EDEM1: variants seen among roughly 807,000 people sequenced by gnomAD.
EDEM1 encodes ER degradation-enhancing alpha-mannosidase-like protein 1.
In EDEM1, 67 loss-of-function variants were observed where a neutral mutation model predicts 74.4. The ratio of observed to expected loss-of-function variants is 0.90; its 90% confidence interval spans 0.74 to 1.10. The LOEUF is 1.10. Ranked by LOEUF, EDEM1 falls within the 50% of genes least tolerant of loss-of-function variation. EDEM1 has a pLI of 0.00. For missense variants in EDEM1, 926 were observed against 851.6 expected (o/e 1.09, Z -1.09); for synonymous variants, 382 against 335.9 (o/e 1.14, Z -1.50).
chr3:5,199,080 C>A (rs2055004750), intron 2 of EDEM1, among the ~76,000 whole-genome samples: 1 of 152,198 alleles, frequency 6.6e-6, no homozygotes, highest in Non-Finnish European at 1.5e-5. Context: ...AAAGATATTA[C>A]CACTATTTCT....
Position 5,210,160 on chromosome 3 carries a change from T to C in EDEM1, c.1510-15T>C. On this transcript the variant is annotated splice_polypyrimidine_tract_variant and intron_variant, in intron 8 of 11. Transcript: ENST00000256497. Reference sequence around the variant, plus strand: ...CAAGCCCATGCTGGATCACATTCTCTCGTGTTCTCTCTAGGCAACCAAGAA... The same window carrying C: ...CAAGCCCATGCTGGATCACATTCTCCCGTGTTCTCTCTAGGCAACCAAGAA... 6.2e-7 allele frequency: 1 copy of C among 1,611,878 alleles called. No individual in the cohort carries two copies. The highest frequency in any genetic ancestry group is 2.2e-5 in the East Asian group (1 of 44,874).
Position 5,216,008 on chromosome 3 carries a change from A to T in EDEM1, c.*90A>T. On this transcript the variant is annotated 3_prime_UTR_variant, in exon 12 of 12. Coordinates refer to ENST00000256497, the MANE Select transcript of EDEM1 (RefSeq NM_014674.3). ...TCCAGTCTGAAATGAAAGGGGACAG[A>T]AGTCTTGCTGTCCATGGTGGTGTAG... 12 of 1,088,816 alleles carry T rather than the reference A, an allele frequency of 1.1e-5. No homozygotes were observed. The highest frequency in any genetic ancestry group is 1.6e-5 in the Non-Finnish European group (12 of 731,360). 67.4% of individuals were successfully genotyped at this position (1,088,816 alleles called of 1,614,324 possible). A position where few individuals can be genotyped will look rare whatever the true frequency, so the allele number is the denominator to read the frequency against.
At chr3:5,214,900 C>T (rs138095586) in intron 11 of EDEM1, among the ~76,000 whole-genome samples, 108 of 152,250 alleles carry the variant, frequency 7.1e-4, no homozygotes, top group African/African-American at 1.3e-3. Context: ...CCATCCTAGG[C>T]GTTTGTCTGT....
chr3:5,192,746 T>C lies in EDEM1; in HGVS notation c.510-2463T>C, dbSNP rs184572358. The stretch of plus-strand genomic sequence containing the variant: ...AGTAGAGTTTTATGGTGTTTTTTTT[T>C]CTTCCTTCATCCTCACTCCCACTTC... On this transcript the variant is annotated intron_variant, in intron 1 of 11. Transcript: ENST00000256497. Among the ~76,000 whole-genome samples, 3 of 152,352 alleles carry C rather than the reference T, an allele frequency of 2.0e-5. No individual in the cohort carries two copies. The East Asian group carries it at 5.8e-4, about 29-fold the overall frequency.
Position 5,216,028 on chromosome 3 carries a change from G to A in EDEM1, c.*110G>A, listed in dbSNP as rs570840520. The A allele has an allele frequency of 2.2e-3, 1,954 of 875,222 alleles. 8 individuals are homozygous for A. The highest frequency in any genetic ancestry group is 2.8e-3 in the Non-Finnish European group (1,560 of 560,620). 54.2% of individuals were successfully genotyped at this position (875,222 alleles called of 1,614,324 possible). A position where few individuals can be genotyped will look rare whatever the true frequency, so the allele number is the denominator to read the frequency against. ...GACAGAAGTCTTGCTGTCCATGGTGGTGTAGGAATTTCTGTGCAACACCTC... is the reference window on the plus strand; with the variant it reads ...GACAGAAGTCTTGCTGTCCATGGTGATGTAGGAATTTCTGTGCAACACCTC... On this transcript the variant is annotated 3_prime_UTR_variant, in exon 12 of 12. Transcript: ENST00000256497.
chr3:5,197,734 G>T (rs1326644647), intron 2 of EDEM1, among the ~76,000 whole-genome samples: 2 of 152,224 alleles, frequency 1.3e-5, no homozygotes, highest in Non-Finnish European at 2.9e-5. Flanking sequence ...GGGAAACACT[G>T]TGAAGATAGC....
intron 3 of EDEM1, among the ~76,000 whole-genome samples, chr3:5,200,112 A>G (rs888558226): frequency 2.0e-5 from 3 of 152,030 alleles, no homozygotes; most frequent in African/African-American, 4.8e-5. Flanking sequence ...TTGTATTTTC[A>G]GTAGAGATGA....
chr3:5,219,849 T>C lies in EDEM1; in HGVS notation c.*3931T>C, dbSNP rs949224517. 1.6e-4 allele frequency: 24 copies of C among 152,658 alleles called. No homozygotes were observed. Among genetic ancestry groups the C allele is most frequent in the African/African-American group, 5.8e-4 (24 of 41,458 alleles). The allele number at this position is 152,658 out of a possible 1,614,324, so 9.5% of individuals were successfully genotyped here. On this transcript the variant is annotated 3_prime_UTR_variant, in exon 12 of 12. Coordinates refer to ENST00000256497, the MANE Select transcript of EDEM1 (RefSeq NM_014674.3). ...ATGTATTTAAATTAAAAGGGATCTT[T>C]TTGTAAAAGGACCAAATGTTCTTTT...
rs369902754 is a variant in EDEM1, at chr3:5,214,509, C to T, written c.1884+987C>T. 7.8e-4 allele frequency among the ~76,000 whole-genome samples: 118 copies of T among 152,252 alleles called. No homozygotes were observed. In the South Asian group the frequency reaches 0.013, roughly 17 times the overall value. On this transcript the variant is annotated intron_variant, in intron 11 of 11. Transcript: ENST00000256497. ...GCTGATTGAGTGGACAAAGCATAATCGGGAGGAAGGGGAAGGAGGGTGAGA... is the reference window on the plus strand; with the variant it reads ...GCTGATTGAGTGGACAAAGCATAATTGGGAGGAAGGGGAAGGAGGGTGAGA...
rs1157979340 is a variant in EDEM1, at chr3:5,205,553, C to G, written c.1217+312C>G. ...GATCTCTCCTGAGGTTGTTGTCAAG[C>G]TGGTGGCCAGGGCCACAGCCATGCT... On this transcript the variant is annotated intron_variant, in intron 6 of 11. Transcript: ENST00000256497. Among the ~76,000 whole-genome samples, 4 of 152,250 alleles carry G rather than the reference C, an allele frequency of 2.6e-5. No homozygotes were observed. In the East Asian group the frequency reaches 7.7e-4, roughly 29 times the overall value.
rs538211556 is a variant in EDEM1 at position 5,218,965 on chromosome 3, A to G, written c.*3047A>G. 6.6e-5 allele frequency: 10 copies of G among 152,064 alleles called. No individual in the cohort carries two copies. Among genetic ancestry groups the G allele is most frequent in the South Asian group, 4.2e-4 (2 of 4,816 alleles). The allele number at this position is 152,064 out of a possible 1,614,324, so 9.4% of individuals were successfully genotyped here. ...GCACGTGACACTTAAATAATTTTCT[A>G]TGTATTTAAAGAAAAATGCACCAGG... On this transcript the variant is annotated 3_prime_UTR_variant, in exon 12 of 12. Transcript: ENST00000256497.
chr3:5,213,641 A>G, intron 11 of EDEM1, 119 bp downstream of exon 11: 2 of 970,454 alleles, frequency 2.1e-6, no homozygotes, highest in Non-Finnish European at 3.0e-6. Flanking sequence ...GGAGATTTGA[A>G]AACACCTCCT....
rs1040238730 is a variant in EDEM1, at chr3:5,216,123, A to G, written c.*205A>G. On this transcript the variant is annotated 3_prime_UTR_variant, in exon 12 of 12. Transcript: ENST00000256497. ...TTCAATAAAATGCCCTGTTAAGGAT[A>G]TAATTTGAAGTGAGAAGATACATGG... The G allele has an allele frequency of 1.1e-5, 6 of 536,080 alleles. No individual in the cohort carries two copies. Among genetic ancestry groups the G allele is most frequent in the African/African-American group, 3.9e-5 (2 of 50,694 alleles). The allele number at this position is 536,080 out of a possible 1,614,324, so 33.2% of individuals were successfully genotyped here. A position where few individuals can be genotyped will look rare whatever the true frequency, so the allele number is the denominator to read the frequency against.
At chr3:5,205,597 G>C (rs767930112) in intron 6 of EDEM1, among the ~76,000 whole-genome samples, 4 of 152,222 alleles carry the variant, frequency 2.6e-5, no homozygotes, top group Non-Finnish European at 5.9e-5. Flanking sequence ...ATGGTGCTGG[G>C]AGATCCCCTT....
chr3:5,188,724 C>G (rs1040494654), intron 1 of EDEM1, among the ~76,000 whole-genome samples: 1 of 152,212 alleles, frequency 6.6e-6, no homozygotes, highest in Non-Finnish European at 1.5e-5. Context: ...TAAACGCAGC[C>G]TCAGAACAAG....
chr3:5,216,752 T>G lies in EDEM1; in HGVS notation c.*834T>G, dbSNP rs1042793920. 1 of 152,650 alleles carries G rather than the reference T, an allele frequency of 6.6e-6. No homozygotes were observed. The highest frequency in any genetic ancestry group is 1.5e-5 in the Non-Finnish European group (1 of 68,050). 9.5% of individuals were successfully genotyped at this position (152,650 alleles called of 1,614,324 possible). A position where few individuals can be genotyped will look rare whatever the true frequency, so the allele number is the denominator to read the frequency against. On this transcript the variant is annotated 3_prime_UTR_variant, in exon 12 of 12. Transcript: ENST00000256497. Reference sequence around the variant, plus strand: ...GTTAACTGACATCTTTTGGGTGGTATTTTGCATTTTGAATATGAACTTACC... The same window carrying G: ...GTTAACTGACATCTTTTGGGTGGTAGTTTGCATTTTGAATATGAACTTACC...
intron 1 of EDEM1, 106 bp from the exon 2 acceptor site, chr3:5,195,103 A>C (rs950221352): frequency 3.6e-6 from 2 of 561,376 alleles, no homozygotes; most frequent in Admixed American, 4.0e-5. Context: ...TTAGTTCCTG[A>C]ATAAATAAGA....
rs2055268238 is a variant in EDEM1, at chr3:5,218,435, G to A, written c.*2517G>A. The A allele has an allele frequency of 6.7e-6, 1 of 149,906 alleles. No individual in the cohort carries two copies. Among genetic ancestry groups the A allele is most frequent in the Admixed American group, 6.7e-5 (1 of 14,968 alleles). The allele number at this position is 149,906 out of a possible 1,614,324, so 9.3% of individuals were successfully genotyped here. A position where few individuals can be genotyped will look rare whatever the true frequency, so the allele number is the denominator to read the frequency against. On this transcript the variant is annotated 3_prime_UTR_variant, in exon 12 of 12. Transcript: ENST00000256497. ...GCTTTTGCAGTTTCTTCTGTTCTGT[G>A]TTCTGAAATACTGGGTAGAGAATGG...
chr3:5,203,834 T>C (rs1238213295), intron 5 of EDEM1, among the ~76,000 whole-genome samples: 1 of 152,138 alleles, frequency 6.6e-6, no homozygotes, highest in Non-Finnish European at 1.5e-5. Context: ...CCGGGTTCAG[T>C]GATCCTCCCA....
Sources: gnomAD v4.1 joint callset for allele counts (sites outside exome capture counted in the v4.1 genomes callset) on GRCh38, gnomAD v4.1.1 for gene constraint, MANE v1.5 for transcripts, NCBI Gene and HGNC (gene_info 2026-07-23, HGNC 2026-07-21) for gene names.